The following DNM2 variants were observed in gnomAD, a reference collection of about 807,000 sequenced individuals.
DNM2 encodes the protein dynamin-2.
A neutral mutation model predicts 99.0 loss-of-function variants in DNM2; 15 were observed. That is an observed-to-expected ratio of 0.15 (90% CI 0.10 to 0.23). The LOEUF (loss-of-function observed/expected upper bound fraction) is 0.23. DNM2 is among the 10% of genes least tolerant of loss of function. The pLI, the probability that DNM2 is intolerant of heterozygous loss-of-function variation, is 1.00. For synonymous variants in DNM2, 525 were observed against 481.2 expected (o/e 1.09, Z -1.19); for missense variants, 742 against 1,189.4 (o/e 0.62, Z 5.53).
chr19:10,743,023 C>T (rs1401400302), intron 1 of DNM2, among the ~76,000 whole-genome samples: 2 of 151,606 alleles, frequency 1.3e-5, no homozygotes, highest in Non-Finnish European at 2.9e-5. Flanking sequence ...AAGTGATCCT[C>T]CCACCTCAGC....
rs2071034552 is a variant in DNM2 at position 10,773,084 on chromosome 19, A to G, written c.385+456A>G. ...AACCTCCACCTCCCAGGTTCAAGCA[A>G]TTATTGTGCCTCAGCCGCCCAAGTA... On this transcript the variant is annotated intron_variant, in intron 3 of 20. Coordinates refer to ENST00000389253, the MANE Select transcript of DNM2 (RefSeq NM_001005361.3). Among the ~76,000 whole-genome samples the G allele has an allele frequency of 2.0e-5, 3 of 150,914 alleles. 1 individual carries two copies. The South Asian group carries it at 6.3e-4, about 31-fold the overall frequency.
Position 10,756,672 on chromosome 19 carries a change from A to G in DNM2, c.162-3066A>G, listed in dbSNP as rs1280401621. ...CTGTGCTGCCTGTGGCTGCAGAGAC[A>G]GGATGCAGAGGCCAGGGCTCGTCCC... On this transcript the variant is annotated intron_variant, in intron 1 of 20. Transcript: ENST00000389253. Among the ~76,000 whole-genome samples, 3 of 152,238 alleles carry G rather than the reference A, an allele frequency of 2.0e-5. No individual in the cohort carries two copies. In the South Asian group the frequency reaches 6.2e-4, roughly 32 times the overall value.
chr19:10,767,461 G>A (rs996810039), intron 2 of DNM2, among the ~76,000 whole-genome samples: 5 of 152,308 alleles, frequency 3.3e-5, no homozygotes, highest in East Asian at 3.9e-4. Flanking sequence ...ACAGGCTTGC[G>A]CCACCACGCC....
chr19:10,831,804 TGAG>T lies in DNM2; in HGVS notation c.*761_*763del, dbSNP rs1443315685. The T allele has an allele frequency of 2.4e-5, 24 of 988,008 alleles. No individual in the cohort carries two copies. The highest frequency in any genetic ancestry group is 2.6e-5 in the Non-Finnish European group (22 of 831,566). The allele number at this position is 988,008 out of a possible 1,614,324, so 61.2% of individuals were successfully genotyped here. A position where few individuals can be genotyped will look rare whatever the true frequency, so the allele number is the denominator to read the frequency against. On this transcript the variant is annotated 3_prime_UTR_variant, in exon 21 of 21. Transcript: ENST00000389253. The surrounding 1 kb of genome is among the most constrained non-coding windows in gnomAD (Gnocchi z 4.3). ...GGGTGGGCCCAGGGCGGCCTCTCTC[TGAG>T]GAGACCTCACCCACTCCTCGCTCAG...
At chr19:10,760,344 G>GT (rs1568284217) in intron 2 of DNM2, among the ~76,000 whole-genome samples, 1 of 151,898 alleles carries the variant, frequency 6.6e-6, no homozygotes, top group Admixed American at 6.6e-5. Context: ...CCGGCCCCAT[G>GT]TGTGCTTTTC....
intron 2 of DNM2, among the ~76,000 whole-genome samples, chr19:10,771,195 G>A (rs1599520212): frequency 6.6e-6 from 1 of 152,164 alleles, no homozygotes; most frequent in Admixed American, 6.5e-5. Context: ...ATCTGGAAAC[G>A]TCAAGGCTTT....
In DNM2 at chr19:10,811,643, C is replaced by T. The variant is rs1267363326; in HGVS notation, c.1558-621C>T. 6.1e-6 allele frequency: 3 copies of T among 491,488 alleles called. No individual in the cohort carries two copies. The highest frequency in any genetic ancestry group is 2.1e-5 in the Admixed American group (1 of 46,980). 30.4% of individuals were successfully genotyped at this position (491,488 alleles called of 1,614,324 possible). ...GCCAGGGAGCATGGGAGCACAGCCC[C>T]CAGGCTGCCTGCCGTTAGTTGTCAG... On this transcript the variant is annotated intron_variant, in intron 14 of 20. Transcript: ENST00000389253. This position sits in a 1 kb window ranked among gnomAD's most constrained non-coding sequence, Gnocchi z 5.4.
Position 10,765,094 on chromosome 19 carries a change from A to G in DNM2, c.235+5283A>G, listed in dbSNP as rs1375590855. 1.3e-5 allele frequency among the ~76,000 whole-genome samples: 2 copies of G among 150,842 alleles called. No homozygotes were observed. Among genetic ancestry groups the G allele is most frequent in the East Asian group, 3.9e-4 (2 of 5,120 alleles). On this transcript the variant is annotated intron_variant, in intron 2 of 20. Coordinates refer to ENST00000389253, the MANE Select transcript of DNM2 (RefSeq NM_001005361.3). The surrounding 1 kb of genome is among the most constrained non-coding windows in gnomAD (Gnocchi z 4.4). The stretch of plus-strand genomic sequence containing the variant: ...TGTCTCAGCCTCCGGCGTAGCTGGG[A>G]CTACAGGCGCCCGCCACCTCGCCCG...
intron 13 of DNM2, among the ~76,000 whole-genome samples, chr19:10,807,303 C>T (rs1488815076): frequency 2.0e-5 from 3 of 151,922 alleles, no homozygotes; most frequent in African/African-American, 7.3e-5. Flanking sequence ...TGCAGTGGCA[C>T]GATTTCAGCT....
chr19:10,748,131 A>G (rs1235760168), intron 1 of DNM2, among the ~76,000 whole-genome samples: 1 of 152,116 alleles, frequency 6.6e-6, no homozygotes, highest in African/African-American at 2.4e-5. Context: ...TTTTATTCCA[A>G]GTGAAGCGGG....
At position 10,786,399 on chromosome 19, in the gene DNM2, G is replaced by C; in HGVS notation, c.850-165G>C. 2.6e-6 allele frequency: 3 copies of C among 1,136,424 alleles called. No individual in the cohort carries two copies. In the South Asian group the frequency reaches 3.8e-5, roughly 14 times the overall value. 70.4% of individuals were successfully genotyped at this position (1,136,424 alleles called of 1,614,324 possible). On this transcript the variant is annotated intron_variant, in intron 6 of 20. Transcript: ENST00000389253. Reference sequence around the variant, plus strand: ...GTGCCGTCTCCGTTCCCAGACATGAGTGTGTCTGTGGCTTGATTTATCTGT... The same window carrying C: ...GTGCCGTCTCCGTTCCCAGACATGACTGTGTCTGTGGCTTGATTTATCTGT...
chr19:10,814,500 A>G (rs1445169739), intron 15 of DNM2, among the ~76,000 whole-genome samples: 1 of 152,148 alleles, frequency 6.6e-6, no homozygotes, highest in Admixed American at 6.6e-5. Flanking sequence ...GTTGTTAACT[A>G]TAGTCTTAAC....
In DNM2 at chr19:10,718,330, G is replaced by C; in HGVS notation, c.88G>C (p.Asp30His). 1 of 1,517,252 alleles carries C rather than the reference G, an allele frequency of 6.6e-7. No individual in the cohort carries two copies. The highest frequency in any genetic ancestry group is 2.3e-4 in the Middle Eastern group (1 of 4,256). 94.0% of individuals were successfully genotyped at this position (1,517,252 alleles called of 1,614,324 possible). A position where few individuals can be genotyped will look rare whatever the true frequency, so the allele number is the denominator to read the frequency against. The change falls in exon 1 of 21, where the codon GAC becomes CAC. Residue 30 changes from aspartate to histidine, a missense_variant. This residue lies in a region of DNM2 where 52 missense variants were observed against 46.1 expected (regional missense o/e 1.13). Coordinates refer to ENST00000389253, the MANE Select transcript of DNM2 (RefSeq NM_001005361.3). ...FSSIGQSCHL[D>H]LPQIAVVGGQ... Reference sequence around the variant, plus strand: ...CTCCATCGGCCAGAGCTGCCACCTGGACCTGCCGCAGATCGCTGTAGTGGG... The same window carrying C: ...CTCCATCGGCCAGAGCTGCCACCTGCACCTGCCGCAGATCGCTGTAGTGGG...
rs778920308 is a variant in DNM2 at position 10,775,660 on chromosome 19, C to T, written c.386-43C>T. 1.2e-6 allele frequency: 2 copies of T among 1,612,318 alleles called. No homozygotes were observed. The highest frequency in any genetic ancestry group is 1.7e-6 in the Non-Finnish European group (2 of 1,178,630). ...GGCTGCGGGCCTGTTTGTGCCTCCC[C>T]TCTCCTGGCTCTGAATGCCTTTCCT... On this transcript the variant is annotated intron_variant, in intron 3 of 20. Coordinates refer to ENST00000389253, the MANE Select transcript of DNM2 (RefSeq NM_001005361.3). The surrounding 1 kb of genome is among the most constrained non-coding windows in gnomAD (Gnocchi z 4.3).
chr19:10,805,744 G>T (rs1020036643), intron 12 of DNM2, among the ~76,000 whole-genome samples, 172 bp from the exon 13 acceptor site: 1 of 152,138 alleles, frequency 6.6e-6, no homozygotes, highest in South Asian at 2.1e-4. Context: ...TACTTGTTCC[G>T]TGTGCCCAGG....
In DNM2 at chr19:10,746,880, GTGCC is replaced by G. The variant is rs2070006115; in HGVS notation, c.162-12857_162-12854del. On this transcript the variant is annotated intron_variant, in intron 1 of 20. Coordinates refer to ENST00000389253, the MANE Select transcript of DNM2 (RefSeq NM_001005361.3). ...GCCTCTCGAGTAGCTGGGATTACAG[GTGCC>G]CACCACCACGCCTGGCTAATTTTTG... 2.0e-5 allele frequency among the ~76,000 whole-genome samples: 3 copies of G among 151,198 alleles called. No individual in the cohort carries two copies. The South Asian group carries it at 6.3e-4, about 32-fold the overall frequency.
intron 16 of DNM2, among the ~76,000 whole-genome samples, chr19:10,822,997 CG>C (rs990225742): frequency 1.7e-4 from 26 of 152,014 alleles, no homozygotes; most frequent in African/African-American, 5.8e-4. Context: ...CCCAGCTACT[CG>C]GGAGGCTGAG....
Position 10,825,083 on chromosome 19 carries a change from G to A in DNM2, c.1920G>A (p.Glu640=). The change falls in exon 18 of 21, where the codon GAG becomes GAA. Residue 640 remains glutamate (E), a synonymous_variant. Coordinates refer to ENST00000389253, the MANE Select transcript of DNM2 (RefSeq NM_001005361.3). ...CAGAAAACGAGGATGGGGCCCAGGA[G>A]AACACCTTCTCCATGGACCCCCAAC... ...DQAENEDGAQ[E]NTFSMDPQLE... 6.2e-7 allele frequency: 1 copy of A among 1,614,232 alleles called. No homozygotes were observed. The highest frequency in any genetic ancestry group is 8.5e-7 in the Non-Finnish European group (1 of 1,180,046).
At chr19:10,801,770 TGGCA>T (rs753113559) in intron 11 of DNM2, among the ~76,000 whole-genome samples, 4 of 151,358 alleles carry the variant, frequency 2.6e-5, no homozygotes, top group Non-Finnish European at 4.4e-5. Flanking sequence ...CTGGGCGTGG[TGGCA>T]GGCACCTGTA....
Sources: gnomAD v4.1 joint callset for allele counts (sites outside exome capture counted in the v4.1 genomes callset) on GRCh38, gnomAD v4.1.1 for gene constraint, gnomAD v4.1.1 regional missense constraint, Gnocchi (gnomAD v3.1) non-coding constraint, MANE v1.5 for transcripts, NCBI Gene and HGNC (gene_info 2026-07-23, HGNC 2026-07-21) for gene names.